DNM3: variants seen among roughly 807,000 people sequenced by gnomAD.
DNM3 encodes the protein dynamin 3.
In DNM3, 47 loss-of-function variants were observed where a neutral mutation model predicts 101.6. That is an observed-to-expected ratio of 0.46 (90% CI 0.37 to 0.59). The LOEUF (loss-of-function observed/expected upper bound fraction) is 0.59. Ranked by LOEUF, DNM3 falls within the 20% of genes least tolerant of loss-of-function variation. DNM3 has a pLI of 0.00. For synonymous variants in DNM3, 385 were observed against 387.9 expected (o/e 0.99, Z 0.09); for missense variants, 849 against 1,085.7 (o/e 0.78, Z 3.06).
intron 1 of DNM3, among the ~76,000 whole-genome samples, chr1:171,919,380 C>G (rs2039977435): frequency 6.6e-6 from 1 of 152,120 alleles, no homozygotes; most frequent in Admixed American, 6.5e-5. Context: ...TTGTTCAACT[C>G]CCACTTATGA....
chr1:171,890,475 T>C (rs2037170917), intron 1 of DNM3, among the ~76,000 whole-genome samples: 1 of 152,228 alleles, frequency 6.6e-6, no homozygotes, highest in Admixed American at 6.5e-5. Context: ...CTTTAAAATA[T>C]GCATTTAACA....
At chr1:171,987,415 C>T in intron 2 of DNM3, 1 of 756,440 alleles carries the variant, frequency 1.3e-6, no homozygotes, top group Non-Finnish European at 1.6e-6. Context: ...GGTTTAGGGA[C>T]TGGTTTTAGT....
At chr1:172,348,242 G>A (rs2067036709) in intron 17 of DNM3, among the ~76,000 whole-genome samples, 1 of 152,008 alleles carries the variant, frequency 6.6e-6, no homozygotes, top group Non-Finnish European at 1.5e-5. Context: ...AGAGAGAGAG[G>A]TTGAGAATTT....
chr1:171,844,594 T>G (rs2031782594), intron 1 of DNM3, among the ~76,000 whole-genome samples: 1 of 152,208 alleles, frequency 6.6e-6, no homozygotes, highest in Non-Finnish European at 1.5e-5. Context: ...GGTTTGAGAT[T>G]GTTATGAATA....
intron 13 of DNM3, among the ~76,000 whole-genome samples, chr1:172,096,351 G>T (rs575361710): frequency 6.6e-6 from 1 of 152,204 alleles, no homozygotes; most frequent in Non-Finnish European, 1.5e-5. Flanking sequence ...ATTAACATTT[G>T]TGGAGAAAGG....
At chr1:171,855,649 T>A (rs1183387428) in intron 1 of DNM3, among the ~76,000 whole-genome samples, 2 of 152,138 alleles carry the variant, frequency 1.3e-5, no homozygotes, top group East Asian at 3.8e-4. Flanking sequence ...AGCTTTTTTA[T>A]TTTTTTCTTC....
At chr1:172,318,218 G>A (rs2148899734) in intron 16 of DNM3, among the ~76,000 whole-genome samples, 1 of 152,242 alleles carries the variant, frequency 6.6e-6, no homozygotes, top group South Asian at 2.1e-4. Flanking sequence ...AATAAATTAG[G>A]TATTGATGGG....
chr1:171,928,585 C>T (rs1558280396), intron 2 of DNM3, among the ~76,000 whole-genome samples: 1 of 152,082 alleles, frequency 6.6e-6, no homozygotes, highest in East Asian at 1.9e-4. Context: ...GGCCTTCCTC[C>T]TTAGGTCAAC....
intron 15 of DNM3, among the ~76,000 whole-genome samples, chr1:172,295,295 A>G (rs770419677): frequency 6.6e-6 from 1 of 152,224 alleles, no homozygotes; most frequent in Non-Finnish European, 1.5e-5. Flanking sequence ...GGGGAAGTCC[A>G]GGTAGAAGAT....
intron 4 of DNM3, among the ~76,000 whole-genome samples, chr1:172,000,866 CACTA>C (rs1316598796): frequency 2.0e-5 from 3 of 152,026 alleles, no homozygotes; most frequent in Non-Finnish European, 4.4e-5. Context: ...AAAAATGAAA[CACTA>C]ACAATAGTAG....
chr1:171,854,248 G>A (rs1309967552), intron 1 of DNM3, among the ~76,000 whole-genome samples: 1 of 152,138 alleles, frequency 6.6e-6, no homozygotes, highest in Non-Finnish European at 1.5e-5. Flanking sequence ...TTCTGTGATC[G>A]AAGGCAATCA....
chr1:172,318,037 C>A (rs1163077212), intron 16 of DNM3, among the ~76,000 whole-genome samples: 2 of 152,186 alleles, frequency 1.3e-5, no homozygotes, highest in Non-Finnish European at 2.9e-5. Flanking sequence ...AGCTTATCCA[C>A]CATGATCAAG....
At chr1:172,123,865 A>G (rs1489718001) in intron 13 of DNM3, among the ~76,000 whole-genome samples, 1 of 152,088 alleles carries the variant, frequency 6.6e-6, no homozygotes, top group Admixed American at 6.6e-5. Flanking sequence ...TCCCTCTTTG[A>G]GGTAAGAAGT....
intron 14 of DNM3, among the ~76,000 whole-genome samples, chr1:172,184,576 G>A (rs1011595136): frequency 1.3e-5 from 2 of 152,090 alleles, no homozygotes; most frequent in African/African-American, 4.8e-5. Flanking sequence ...GGTGCTCAGG[G>A]CCTAACTTGC....
At chr1:172,222,592 A>G (rs1391805324) in intron 14 of DNM3, among the ~76,000 whole-genome samples, 1 of 152,166 alleles carries the variant, frequency 6.6e-6, no homozygotes, top group Non-Finnish European at 1.5e-5. Flanking sequence ...AGTCACTTAC[A>G]CTTGTCTCCC....
chr1:172,115,647 A>C (rs2055837064), intron 13 of DNM3, among the ~76,000 whole-genome samples: 1 of 152,088 alleles, frequency 6.6e-6, no homozygotes, highest in African/African-American at 2.4e-5. Flanking sequence ...GGACTTTTGT[A>C]CTTATTCACT....
downstream of DNM3, chr1:172,415,524 G>GTTTTTTTTTTTTTTTTT (rs386368747): frequency 1.0e-5 from 1 of 99,130 alleles, no homozygotes; most frequent in Non-Finnish European, 1.9e-5. Context: ...TTTTTTGTGA[G>GTTTTTTTTTTTTTTTTT]TTTTTTTTTT....
At chr1:171,887,462 A>G (rs1397138076) in intron 1 of DNM3, among the ~76,000 whole-genome samples, 1 of 152,198 alleles carries the variant, frequency 6.6e-6, no homozygotes. Context: ...CATAGTTTTC[A>G]TGGATGCATA....
intron 14 of DNM3, among the ~76,000 whole-genome samples, chr1:172,228,906 A>T (rs911700017): frequency 5.9e-5 from 9 of 152,126 alleles, no homozygotes; most frequent in Non-Finnish European, 1.0e-4. Context: ...TAAATTTTTT[A>T]AAATTTTTAT....
Sources: gnomAD v4.1 joint callset for allele counts (sites outside exome capture counted in the v4.1 genomes callset) on GRCh38, gnomAD v4.1.1 for gene constraint, MANE v1.5 for transcripts, NCBI Gene and HGNC (gene_info 2026-07-23, HGNC 2026-07-21) for gene names.